Variants in ASB10 observed in about 807,000 individuals in gnomAD.
ASB10 encodes the protein ankyrin repeat and SOCS box protein 10.
In ASB10, 44 loss-of-function variants were observed where a neutral mutation model predicts 35.4. The ratio of observed to expected loss-of-function variants is 1.24; its 90% confidence interval spans 0.98 to 1.60. ASB10 has a LOEUF of 1.60. Ranked by LOEUF, ASB10 falls within the 40% of genes most tolerant of loss-of-function variation. The probability of loss-of-function intolerance (pLI) is 0.00; values close to 1 mark genes in which losing one functional copy is unlikely to be tolerated. For synonymous variants in ASB10, 294 were observed against 280.4 expected (o/e 1.05, Z -0.49); for missense variants, 647 against 634.3 (o/e 1.02, Z -0.22).
chr7:151,176,461 T>C, intron 4 of ASB10, 102 bp downstream of exon 4: 1 of 1,470,890 alleles, frequency 6.8e-7, no homozygotes, highest in South Asian at 1.4e-5. Flanking sequence ...TTCTGGGACA[T>C]GAGTGCATCT....
At chr7:151,180,483 T>G (rs1258753601) in intron 3 of ASB10, among the ~76,000 whole-genome samples, 6 of 152,166 alleles carry the variant, frequency 3.9e-5, no homozygotes, top group African/African-American at 1.4e-4. Flanking sequence ...CTCCTGCATC[T>G]GTCACTGAAC....
chr7:151,186,680 C>T (rs765772790), intron 1 of ASB10, 21 bp from the exon 2 acceptor site: 1 of 1,584,418 alleles, frequency 6.3e-7, no homozygotes, highest in East Asian at 2.3e-5. Context: ...GAGACGTGGG[C>T]CTCAGATCCC....
intron 2 of ASB10, among the ~76,000 whole-genome samples, chr7:151,184,408 A>G (rs1011938161): frequency 1.3e-5 from 2 of 151,922 alleles, no homozygotes; most frequent in Non-Finnish European, 2.9e-5. Context: ...GTAAAAAAAA[A>G]AAAAAGAAAG....
Position 151,186,941 on chromosome 7 carries a change from C to A in ASB10, c.190G>T (p.Ala64Ser). Reference sequence around the variant, plus strand: ...CGGGAGACACAGCCCACGTCCCCAGCCAGCACTGCCTGCCAGAAGGCAAGG... The same window carrying A: ...CGGGAGACACAGCCCACGTCCCCAGACAGCACTGCCTGCCAGAAGGCAAGG... ...PALAFWQAVL[A>S]GDVGCVSRIL... Residue 64 changes from alanine to serine, a missense_variant, in exon 1 of 6, where the codon GCT becomes TCT. Transcript: ENST00000420175. The A allele has an allele frequency of 6.2e-7, 1 of 1,613,702 alleles. No homozygotes were observed. Among genetic ancestry groups the A allele is most frequent in the Non-Finnish European group, 8.5e-7 (1 of 1,180,010 alleles).
At position 151,187,086 on chromosome 7, in the gene ASB10, C is replaced by T. The variant is rs762597109; in HGVS notation, c.45G>A (p.Glu15=). The T allele has an allele frequency of 3.1e-6, 5 of 1,604,000 alleles. No homozygotes were observed. The Admixed American group carries it at 5.1e-5, about 17-fold the overall frequency. Residue 15 remains glutamate, a synonymous_variant, in exon 1 of 6, where the codon GAG becomes GAA. Coordinates refer to ENST00000420175, the MANE Select transcript of ASB10 (RefSeq NM_001142459.2). This position sits in a 1 kb window ranked among gnomAD's most constrained non-coding sequence, Gnocchi z 5.3. ...WSPEECKGQG[E]PLDDRHPLCA... The stretch of plus-strand genomic sequence containing the variant: ...AGAGGGGGTGTCTGTCATCGAGGGG[C>T]TCTCCCTGCCCCTTGCACTCTTCTG...
intron 2 of ASB10, among the ~76,000 whole-genome samples, chr7:151,183,735 G>C (rs192226434): frequency 0.021 from 3,198 of 152,164 alleles, 42 homozygotes; most frequent in Non-Finnish European, 0.034. Context: ...ACAGGTGCCC[G>C]CCACCATGTC....
At chr7:151,176,763 G>T in intron 3 of ASB10, 87 bp from the exon 4 acceptor site, 1 of 964,728 alleles carries the variant, frequency 1.0e-6, no homozygotes, top group Non-Finnish European at 1.6e-6. Context: ...GTTGAACTTT[G>T]TTCCCCAAAA....
At chr7:151,186,756 A>G in intron 1 of ASB10, 59 bp downstream of exon 1, 1 of 1,532,554 alleles carries the variant, frequency 6.5e-7, no homozygotes, top group Non-Finnish European at 8.8e-7. Context: ...GGGAGCCCAG[A>G]GCTCCATCTG....
chr7:151,178,679 C>T (rs564120567), intron 3 of ASB10, among the ~76,000 whole-genome samples: 59 of 152,286 alleles, frequency 3.9e-4, no homozygotes, highest in African/African-American at 1.3e-3. Context: ...GTCTGTCAGA[C>T]GAGAGTACCA....
At chr7:151,177,802 T>C (rs1473237599) in intron 3 of ASB10, among the ~76,000 whole-genome samples, 1 of 152,210 alleles carries the variant, frequency 6.6e-6, no homozygotes, top group African/African-American at 2.4e-5. Flanking sequence ...ATTGGTTCAT[T>C]CAGCAACTAT....
At chr7:151,187,352 C>T (rs1584820440), upstream of ASB10, 4 of 1,531,780 alleles carry the variant, frequency 2.6e-6, no homozygotes, top group Non-Finnish European at 2.6e-6. The surrounding 1 kb of genome is among the most constrained non-coding windows in gnomAD (Gnocchi z 5.3). Flanking sequence ...CGGGGAGAAA[C>T]AGCCGGGGGC....
At chr7:151,187,479 C>G (rs1306460145), upstream of ASB10, 2 of 1,551,304 alleles carry the variant, frequency 1.3e-6, no homozygotes, top group Non-Finnish European at 1.7e-6. This position sits in a 1 kb window ranked among gnomAD's most constrained non-coding sequence, Gnocchi z 5.3. Context: ...CAGCGAGGCT[C>G]TGCGGCCCGG....
At chr7:151,184,852 C>A (rs1801558077) in intron 2 of ASB10, among the ~76,000 whole-genome samples, 4 of 151,914 alleles carry the variant, frequency 2.6e-5, no homozygotes, top group Admixed American at 2.6e-4. Flanking sequence ...GAAACCGCGT[C>A]TCTACTAAAA....
chr7:151,180,964 C>G lies in ASB10; in HGVS notation c.1079G>C (p.Arg360Pro), dbSNP rs151344612. 1 of 1,562,998 alleles carries G rather than the reference C, an allele frequency of 6.4e-7. No individual in the cohort carries two copies. Among genetic ancestry groups the G allele is most frequent in the African/African-American group, 1.4e-5 (1 of 74,040 alleles). Residue 360 changes from arginine (R) to proline (P), a missense_variant, in exon 3 of 6, where the codon CGT becomes CCT. Transcript: ENST00000420175. ...CTTGGGGAGGGCCCCTGGCCAGACA[C>G]GGACGGCGCCATGGTTGAGCAGAGC... Reference protein sequence around the residue: ...VRALLNHGAVRVWPGALPKVL... With the variant: ...VRALLNHGAVPVWPGALPKVL...
chr7:151,185,982 T>C (rs1388444349), intron 2 of ASB10, among the ~76,000 whole-genome samples: 1 of 152,114 alleles, frequency 6.6e-6, no homozygotes. Context: ...CCTGTCTGGA[T>C]CACTGGACAG....
intron 3 of ASB10, among the ~76,000 whole-genome samples, chr7:151,178,105 G>A (rs553399744): frequency 7.0e-4 from 106 of 152,304 alleles, no homozygotes; most frequent in African/African-American, 1.6e-3. Flanking sequence ...AAAATTAGCC[G>A]GGCGGTAGTG....
chr7:151,184,391 C>A (rs552746710), intron 2 of ASB10, among the ~76,000 whole-genome samples: 4 of 134,538 alleles, frequency 3.0e-5, no homozygotes, highest in South Asian at 2.3e-4. Flanking sequence ...CCAGCCTGGG[C>A]GACAGAGTAA....
At chr7:151,187,435 C>T (rs1398418077), upstream of ASB10, 2 of 1,551,112 alleles carry the variant, frequency 1.3e-6, no homozygotes, top group Non-Finnish European at 1.7e-6. The surrounding 1 kb of genome is among the most constrained non-coding windows in gnomAD (Gnocchi z 5.3). Context: ...TCTCAGCAAC[C>T]CCCAGATGCC....
intron 3 of ASB10, among the ~76,000 whole-genome samples, chr7:151,178,099 T>C (rs923876009): frequency 2.0e-5 from 3 of 152,054 alleles, no homozygotes; most frequent in African/African-American, 7.2e-5. Flanking sequence ...AATACAAAAA[T>C]TAGCCGGGCG....
Sources: allele counts gnomAD v4.1 joint callset (sites outside exome capture counted in the v4.1 genomes callset), GRCh38; gene constraint gnomAD v4.1.1; non-coding constraint Gnocchi (gnomAD v3.1); transcripts MANE v1.5; gene names NCBI Gene and HGNC (gene_info 2026-07-23, HGNC 2026-07-21).